The following AGBL4 variants were observed in gnomAD, a reference collection of about 807,000 sequenced individuals.
AGBL4 encodes cytosolic carboxypeptidase 6.
AGBL4 carries 58 observed loss-of-function variants against 66.4 expected under a neutral mutation model. That is an observed-to-expected ratio of 0.87 (90% CI 0.71 to 1.09). The LOEUF (loss-of-function observed/expected upper bound fraction) is 1.09, where lower values mean the gene tolerates loss of function less well. Among genes scored for constraint, AGBL4 ranks in the 50% least tolerant of loss-of-function variants. AGBL4 has a pLI of 0.00. For missense variants in AGBL4, 579 were observed against 631.0 expected, an observed-to-expected ratio of 0.92 and a Z score of 0.88; for synonymous variants, 234 against 222.9, an observed-to-expected ratio of 1.05 and a Z score of -0.44.
At chr1:49,001,766 T>G (rs918183319) in intron 5 of AGBL4, among the ~76,000 whole-genome samples, 5 of 152,208 alleles carry the variant, frequency 3.3e-5, no homozygotes, top group African/African-American at 1.2e-4. Context: ...AGTGTGACCA[T>G]ATCACTTCCT....
chr1:49,656,815 G>A (rs1180876067), intron 3 of AGBL4, among the ~76,000 whole-genome samples: 1 of 152,142 alleles, frequency 6.6e-6, no homozygotes, highest in Non-Finnish European at 1.5e-5. Flanking sequence ...AACTTTTCAT[G>A]CTAAAAACTC....
chr1:48,883,305 C>T (rs1156982228), intron 5 of AGBL4, among the ~76,000 whole-genome samples: 2 of 152,146 alleles, frequency 1.3e-5, no homozygotes, highest in Non-Finnish European at 2.9e-5. Flanking sequence ...TGCTAATAGC[C>T]ATTCTAACAG....
intron 6 of AGBL4, among the ~76,000 whole-genome samples, chr1:48,731,161 T>C (rs1264335283): frequency 6.6e-6 from 1 of 152,160 alleles, no homozygotes; most frequent in Non-Finnish European, 1.5e-5. Flanking sequence ...AGCAGACAGC[T>C]TGCATGGGAA....
At chr1:48,615,979 G>A (rs1645311639) in intron 9 of AGBL4, among the ~76,000 whole-genome samples, 1 of 152,118 alleles carries the variant, frequency 6.6e-6, no homozygotes, top group African/African-American at 2.4e-5. Context: ...AAATGTTCTT[G>A]CTAGTTCCCT....
chr1:48,871,409 G>T (rs4405168), intron 5 of AGBL4, among the ~76,000 whole-genome samples: 49,998 of 147,764 alleles, frequency 0.34, 8,697 homozygotes, highest in East Asian at 0.71. Flanking sequence ...GTGCGTTTGG[G>T]GTCGGGGAGA....
chr1:49,854,528 T>C (rs989397398), intron 1 of AGBL4, among the ~76,000 whole-genome samples: 1 of 152,104 alleles, frequency 6.6e-6, no homozygotes, highest in Admixed American at 6.5e-5. Context: ...TCTGTTCTAC[T>C]CACCCCCCTG....
At chr1:48,807,986 A>C (rs1645966008) in intron 6 of AGBL4, among the ~76,000 whole-genome samples, 1 of 152,150 alleles carries the variant, frequency 6.6e-6, no homozygotes, top group African/African-American at 2.4e-5. Flanking sequence ...AATGACACAA[A>C]GGGAAGAGAA....
intron 6 of AGBL4, chr1:48,761,101 G>A: frequency 2.1e-6 from 1 of 475,964 alleles, no homozygotes; most frequent in Non-Finnish European, 3.8e-6. Flanking sequence ...ACACTGCACA[G>A]ACTGTGCAAA....
At chr1:48,808,343 C>T (rs1310294994) in intron 6 of AGBL4, among the ~76,000 whole-genome samples, 1 of 152,176 alleles carries the variant, frequency 6.6e-6, no homozygotes, top group African/African-American at 2.4e-5. Context: ...CACAATAAAC[C>T]TGCAAGATAG....
intron 2 of AGBL4, among the ~76,000 whole-genome samples, chr1:49,789,128 T>C (rs150004473): frequency 3.0e-3 from 454 of 152,318 alleles, no homozygotes; most frequent in Non-Finnish European, 5.2e-3. Flanking sequence ...GTTCTGTTTA[T>C]GTGATGGATT....
chr1:50,006,453 T>C (rs1661140389), intron 1 of AGBL4, among the ~76,000 whole-genome samples: 1 of 151,228 alleles, frequency 6.6e-6, no homozygotes, highest in African/African-American at 2.4e-5. Flanking sequence ...TACAAGAAGG[T>C]TATAGAAAAC....
chr1:48,930,804 A>ATT (rs1170027454), intron 5 of AGBL4, among the ~76,000 whole-genome samples: 421 of 151,010 alleles, frequency 2.8e-3, no homozygotes, highest in African/African-American at 9.5e-3. Flanking sequence ...AGGTTCATTC[A>ATT]CTCATTCATT....
chr1:48,776,372 C>T (rs1202577386), intron 6 of AGBL4, among the ~76,000 whole-genome samples: 1 of 152,220 alleles, frequency 6.6e-6, no homozygotes. Flanking sequence ...GACGGACTGA[C>T]AGCGCGGGAG....
At chr1:48,936,405 A>G (rs1323887215) in intron 5 of AGBL4, among the ~76,000 whole-genome samples, 1 of 152,202 alleles carries the variant, frequency 6.6e-6, no homozygotes, top group African/African-American at 2.4e-5. Context: ...TCCACAGGCC[A>G]GGCAAACCTT....
At chr1:49,679,826 G>C (rs1646653698) in intron 3 of AGBL4, among the ~76,000 whole-genome samples, 1 of 152,056 alleles carries the variant, frequency 6.6e-6, no homozygotes, top group Middle Eastern at 3.2e-3. Context: ...CAGTTTGAGT[G>C]AAGTATGCAG....
At chr1:49,939,488 C>G (rs1485654552) in intron 1 of AGBL4, among the ~76,000 whole-genome samples, 4 of 151,804 alleles carry the variant, frequency 2.6e-5, no homozygotes, top group African/African-American at 7.3e-5. Context: ...CAGCATGGTA[C>G]TGGTACCAAA....
At chr1:49,174,246 T>C (rs1050471073) in intron 4 of AGBL4, among the ~76,000 whole-genome samples, 1 of 152,098 alleles carries the variant, frequency 6.6e-6, no homozygotes, top group African/African-American at 2.4e-5. Context: ...ACTGTGAAGT[T>C]AGAAAAAATT....
intron 9 of AGBL4, among the ~76,000 whole-genome samples, chr1:48,593,208 C>T (rs1041662271): frequency 2.0e-5 from 3 of 152,192 alleles, no homozygotes; most frequent in Non-Finnish European, 4.4e-5. Context: ...ACCCAAACCC[C>T]CTGCTCCAAA....
At chr1:49,998,647 A>G (rs1261680628) in intron 1 of AGBL4, among the ~76,000 whole-genome samples, 1 of 151,912 alleles carries the variant, frequency 6.6e-6, no homozygotes, top group African/African-American at 2.4e-5. Context: ...AAACTACAGA[A>G]CGACATCCCT....
Sources: gnomAD v4.1 joint callset for allele counts (sites outside exome capture counted in the v4.1 genomes callset) on GRCh38, gnomAD v4.1.1 for gene constraint, MANE v1.5 for transcripts, NCBI Gene and HGNC (gene_info 2026-07-23, HGNC 2026-07-21) for gene names.